KAZN: variants seen among roughly 807,000 people sequenced by gnomAD.
KAZN encodes the protein kazrin, periplakin interacting protein, also known as kazrin.
A neutral mutation model predicts 87.4 loss-of-function variants in KAZN; 40 were observed. That is an observed-to-expected ratio of 0.46 (90% CI 0.36 to 0.60). The LOEUF (loss-of-function observed/expected upper bound fraction) is 0.60, where lower values mean the gene tolerates loss of function less well. Among genes scored for constraint, KAZN ranks in the 20% least tolerant of loss-of-function variants. The pLI is 0.00. For synonymous variants in KAZN, 466 were observed against 458.3 expected (o/e 1.02, Z -0.22); for missense variants, 898 against 1,073.9 (o/e 0.84, Z 2.29).
intron 1 of KAZN, among the ~76,000 whole-genome samples, chr1:14,715,534 C>T (rs1642747060): frequency 6.6e-6 from 1 of 152,192 alleles, no homozygotes; most frequent in South Asian, 2.1e-4. Flanking sequence ...AACCTCAGCG[C>T]TCCGAAAACA....
intron 2 of KAZN, among the ~76,000 whole-genome samples, chr1:14,282,719 T>A (rs1446788696): frequency 1.3e-5 from 2 of 152,148 alleles, no homozygotes; most frequent in African/African-American, 4.8e-5. Flanking sequence ...TGCAGCCACC[T>A]CCAAATCTTC....
chr1:14,572,357 T>G (rs1674922849), intron 2 of KAZN, among the ~76,000 whole-genome samples: 1 of 152,036 alleles, frequency 6.6e-6, no homozygotes. Context: ...CTGGCGTGGG[T>G]TCAGAACCCA....
chr1:14,495,470 C>G (rs1478642410), intron 2 of KAZN, among the ~76,000 whole-genome samples: 1 of 152,174 alleles, frequency 6.6e-6, no homozygotes, highest in Non-Finnish European at 1.5e-5. Flanking sequence ...CACTCCACAC[C>G]CCCAGGCAAA....
chr1:15,078,864 C>A (rs1185081731), intron 8 of KAZN, among the ~76,000 whole-genome samples: 4 of 152,188 alleles, frequency 2.6e-5, no homozygotes, highest in African/African-American at 9.7e-5. Context: ...AGAATTCCCC[C>A]CACCAAGGAC....
chr1:14,011,023 T>C (rs1640275958), intron 1 of KAZN, among the ~76,000 whole-genome samples: 1 of 151,898 alleles, frequency 6.6e-6, no homozygotes, highest in African/African-American at 2.4e-5. Context: ...CTTTTTTCTC[T>C]CCCCTCCTCC....
chr1:14,180,379 T>C, intron 1 of KAZN: 1 of 1,501,802 alleles, frequency 6.7e-7, no homozygotes, highest in Non-Finnish European at 9.0e-7. Context: ...GCTAGTCAAT[T>C]TCTCTTTGAA....
chr1:15,075,926 A>G (rs1474995126), intron 8 of KAZN, among the ~76,000 whole-genome samples: 2 of 152,208 alleles, frequency 1.3e-5, no homozygotes, highest in South Asian at 2.1e-4. Context: ...AGAGCACTTC[A>G]TCACCCTTTG....
At chr1:14,146,784 T>G (rs561101530) in intron 1 of KAZN, among the ~76,000 whole-genome samples, 1 of 152,178 alleles carries the variant, frequency 6.6e-6, no homozygotes, top group African/African-American at 2.4e-5. Flanking sequence ...CTTTCATTTT[T>G]TCCTTTGGAA....
At position 14,514,544 on chromosome 1, in the gene KAZN, A is replaced by G. The variant is rs562292108; in HGVS notation, c.250-84439A>G. The stretch of plus-strand genomic sequence containing the variant: ...TATATATTTTAGATATATTTTATAT[A>G]TAATATATGAAATATATATTTTCTA... On this transcript the variant is annotated intron_variant, in intron 2 of 16. Transcript: ENST00000636203. Among the ~76,000 whole-genome samples, 22 of 81,476 alleles carry G rather than the reference A, an allele frequency of 2.7e-4. 1 individual carries two copies. Among genetic ancestry groups the G allele is most frequent in the South Asian group, 7.6e-4 (2 of 2,622 alleles). The allele number at this position is 81,476 out of a possible 152,430, so 53.5% of individuals were successfully genotyped here.
In KAZN at chr1:15,069,351, C is replaced by T. The variant is rs568382374; in HGVS notation, c.1222+3598C>T. Among the ~76,000 whole-genome samples, 11 of 152,290 alleles carry T rather than the reference C, an allele frequency of 7.2e-5. No individual in the cohort carries two copies. The East Asian group carries it at 9.7e-4, about 13-fold the overall frequency. On this transcript the variant is annotated intron_variant, in intron 8 of 14. Coordinates refer to ENST00000376030, the MANE Select transcript of KAZN (RefSeq NM_201628.3). ...CTCAAAACTAACCCCGTCTCTCATG[C>T]GGGACATATGGCAAAAACTTTGGCC...
At chr1:14,862,765 T>C (rs1282092775) in intron 1 of KAZN, among the ~76,000 whole-genome samples, 1 of 152,158 alleles carries the variant, frequency 6.6e-6, no homozygotes, top group Non-Finnish European at 1.5e-5. Context: ...TCTTCATATA[T>C]ATTCGGGATG....
At chr1:14,939,950 G>T (rs1660865692) in intron 1 of KAZN, among the ~76,000 whole-genome samples, 1 of 152,174 alleles carries the variant, frequency 6.6e-6, no homozygotes, top group African/African-American at 2.4e-5. Flanking sequence ...AAAGGCAGTG[G>T]CAGAGCCTTC....
intron 1 of KAZN, among the ~76,000 whole-genome samples, chr1:14,116,290 A>T (rs1258761121): frequency 6.6e-6 from 1 of 151,894 alleles, no homozygotes; most frequent in East Asian, 1.9e-4. Context: ...AGGAGAAAAA[A>T]GTGGTTTTGT....
intron 1 of KAZN, among the ~76,000 whole-genome samples, chr1:13,899,943 T>C (rs1639185508): frequency 6.6e-6 from 1 of 152,164 alleles, no homozygotes; most frequent in Admixed American, 6.5e-5. Context: ...TTGGACCCTC[T>C]GTGCCTTATA....
chr1:14,275,003 A>T (rs556948228), intron 2 of KAZN, among the ~76,000 whole-genome samples: 16 of 152,274 alleles, frequency 1.1e-4, no homozygotes, highest in African/African-American at 3.6e-4. Context: ...AGTAAATTTT[A>T]AAATTATAGA....
intron 2 of KAZN, among the ~76,000 whole-genome samples, chr1:14,972,479 C>T (rs927696001): frequency 6.6e-6 from 1 of 151,388 alleles, no homozygotes; most frequent in African/African-American, 2.4e-5. Context: ...CCCTGCTTGG[C>T]TCCCAGGGGA....
intron 1 of KAZN, among the ~76,000 whole-genome samples, chr1:13,945,764 A>T (rs1003079257): frequency 6.6e-6 from 1 of 150,974 alleles, no homozygotes; most frequent in Non-Finnish European, 1.5e-5. Context: ...TCTTTAGTAC[A>T]TTTTTTTATG....
chr1:14,924,850 G>C (rs1317386641), intron 1 of KAZN, among the ~76,000 whole-genome samples: 2 of 152,150 alleles, frequency 1.3e-5, no homozygotes, highest in Admixed American at 6.5e-5. Flanking sequence ...TGGAGACCCA[G>C]CTCCGGGCTG....
At chr1:14,723,263 G>T (rs114152975) in intron 1 of KAZN, among the ~76,000 whole-genome samples, 91 of 152,260 alleles carry the variant, frequency 6.0e-4, no homozygotes, top group African/African-American at 2.2e-3. Flanking sequence ...CCTTCTACCT[G>T]CTGTCTGCCC....
Sources: allele counts gnomAD v4.1 joint callset (sites outside exome capture counted in the v4.1 genomes callset), GRCh38; gene constraint gnomAD v4.1.1; transcripts MANE v1.5; gene names NCBI Gene and HGNC (gene_info 2026-07-23, HGNC 2026-07-21).